Variants in RIF1 observed in about 807,000 individuals in gnomAD.
The protein encoded by RIF1 is replication timing regulatory factor 1.
In RIF1, 45 loss-of-function variants were observed where a neutral mutation model predicts 247.1. The ratio of observed to expected loss-of-function variants is 0.18; its 90% CI spans 0.14 to 0.23. The LOEUF (loss-of-function observed/expected upper bound fraction) is 0.23, where lower values mean the gene tolerates loss of function less well. RIF1 is among the 10% of genes least tolerant of loss of function. RIF1 has a pLI of 1.00. For missense variants in RIF1, 2,967 were observed against 2,862.5 expected (o/e 1.04, Z -0.83); for synonymous variants, 1,087 against 978.8 (o/e 1.11, Z -2.06).
intron 34 of RIF1, among the ~76,000 whole-genome samples, chr2:151,470,393 G>T (rs1697608202): frequency 6.6e-6 from 1 of 152,156 alleles, no homozygotes; most frequent in Non-Finnish European, 1.5e-5. Flanking sequence ...ACTACAGGTT[G>T]AGTATTCCTT....
Position 151,462,434 on chromosome 2 carries a change from A to G in RIF1, c.3331A>G (p.Lys1111Glu). 6.4e-7 allele frequency: 1 copy of G among 1,561,814 alleles called. No individual in the cohort carries two copies. The highest frequency in any genetic ancestry group is 8.7e-7 in the Non-Finnish European group (1 of 1,152,704). The part of the protein sequence containing the change: ...EPMEIPTLTR[K>E]PKEDSKMMIT... ...CAGGGAAATTCCTACTTTAACCAGA[A>G]AACCAAAGGAGGATTCTAAGATGAT... The change falls in exon 29 of 36, where the codon AAA (lysine) becomes GAA (glutamate). Residue 1111 changes from lysine (K) to glutamate (E), a missense_variant. Physicochemically the swap from Lys to Glu is moderately conservative, Grantham distance 56. This residue lies in a region of RIF1 where 2,028 missense variants were observed against 1,825.6 expected (regional missense o/e 1.11). Transcript: ENST00000444746.
Position 151,463,707 on chromosome 2 carries a change from A to G in RIF1, c.4187A>G (p.Asp1396Gly), listed in dbSNP as rs780131852. The change falls in exon 30 of 36, where the codon GAT (aspartate) becomes GGT (glycine). Residue 1396 changes from aspartate to glycine, a missense_variant. By Grantham distance (94) the Asp-to-Gly change is moderately conservative. Transcript: ENST00000444746. ...ACACCCCCAGTAGTAATATCAGCAG[A>G]TCAAATGGTAAATGAGGATAGTCAG... Reference protein sequence around the residue: ...ENTPPVVISADQMVNEDSQVQ... With the variant: ...ENTPPVVISAGQMVNEDSQVQ... 1.2e-5 allele frequency: 19 copies of G among 1,613,910 alleles called. No homozygotes were observed. The highest frequency in any genetic ancestry group is 4.0e-5 in the African/African-American group (3 of 74,936).
intron 13 of RIF1, among the ~76,000 whole-genome samples, 179 bp from the exon 14 acceptor site, chr2:151,438,505 A>G (rs531986842): frequency 6.6e-6 from 1 of 152,334 alleles, no homozygotes; most frequent in East Asian, 1.9e-4. Context: ...GTTTCTACAA[A>G]CAAAAACGAA....
downstream of RIF1, among the ~76,000 whole-genome samples, chr2:151,509,614 T>G (rs1034777379): frequency 1.4e-5 from 2 of 147,724 alleles, no homozygotes; most frequent in Admixed American, 1.4e-4. Context: ...GGAAGAGAGG[T>G]TTTTTTTTTG....
At chr2:151,425,286 G>A (rs1016324712) in intron 8 of RIF1, among the ~76,000 whole-genome samples, 1 of 151,976 alleles carries the variant, frequency 6.6e-6, no homozygotes, top group Admixed American at 6.6e-5. Flanking sequence ...ATATGTTTTG[G>A]ATATGCATCC....
chr2:151,502,544 G>A (rs1439013407), intron 11 of RIF1, among the ~76,000 whole-genome samples: 1 of 152,048 alleles, frequency 6.6e-6, no homozygotes, highest in African/African-American at 2.4e-5. Flanking sequence ...TGTTATTAAA[G>A]GAGGAATGGA....
At chr2:151,518,555 G>T in the RIF1 span, 2 of 663,866 alleles carry the variant, frequency 3.0e-6, no homozygotes, top group Admixed American at 2.5e-5. Context: ...CTAAACAGGA[G>T]GTTAAGAAAA....
At chr2:151,506,240 C>T in exon 13 of RIF1, 1 of 1,613,206 alleles carries the variant, frequency 6.2e-7, no homozygotes, top group Non-Finnish European at 8.5e-7. Flanking sequence ...CCTGGTGAGA[C>T]ATCCTCTTTA....
chr2:151,452,900 G>A (rs1411387533), intron 21 of RIF1, among the ~76,000 whole-genome samples: 2 of 152,122 alleles, frequency 1.3e-5, no homozygotes, highest in African/African-American at 4.8e-5. Flanking sequence ...TTTCCACTCC[G>A]TGTCCATGCA....
At position 151,473,991 on chromosome 2, in the gene RIF1, C is replaced by A. The variant is rs774120551; in HGVS notation, c.7123C>A (p.Pro2375Thr). Residue 2375 changes from proline to threonine, a missense_variant, in exon 35 of 36, where the codon CCA (proline) becomes ACA (threonine). This residue lies in a region of RIF1 where 151 missense variants were observed against 163.4 expected (regional missense o/e 0.92). Coordinates refer to ENST00000444746, the MANE Select transcript of RIF1 (RefSeq NM_018151.5). ...QVKTRGLEEI[P>T]VFDISEKTVN... Reference sequence around the variant, plus strand: ...GAAGACTCGTGGACTAGAAGAGATTCCAGTTTTTGATATTTCTGAAAAAAC... The same window carrying A: ...GAAGACTCGTGGACTAGAAGAGATTACAGTTTTTGATATTTCTGAAAAAAC... 1 of 1,595,034 alleles carries A rather than the reference C, an allele frequency of 6.3e-7. No homozygotes were observed. Among genetic ancestry groups the A allele is most frequent in the Non-Finnish European group, 8.6e-7 (1 of 1,165,538 alleles).
At chr2:151,483,950 A>C (rs757942320), downstream of RIF1, among the ~76,000 whole-genome samples, 3 of 152,230 alleles carry the variant, frequency 2.0e-5, no homozygotes, top group Non-Finnish European at 4.4e-5. Context: ...ACTGGTCCCT[A>C]GTGCCAAAAA....
At chr2:151,442,380 CTT>C (rs34666273) in intron 16 of RIF1, among the ~76,000 whole-genome samples, 8 of 146,314 alleles carry the variant, frequency 5.5e-5, no homozygotes, top group African/African-American at 1.8e-4. Flanking sequence ...GCATATTTCC[CTT>C]TTTTTTAAAA....
intron 10 of RIF1, chr2:151,497,798 A>AG: frequency 6.5e-7 from 1 of 1,539,992 alleles, no homozygotes; most frequent in Non-Finnish European, 8.7e-7. Flanking sequence ...TGAGGAAAAA[A>AG]CACAGTCATC....
At chr2:151,525,335 G>T in the RIF1 span, 1 of 1,192,240 alleles carries the variant, frequency 8.4e-7, no homozygotes, top group Non-Finnish European at 1.2e-6. Context: ...TGGTTTACTT[G>T]AAGAACTGTG....
the RIF1 span, chr2:151,514,844 T>G: frequency 6.3e-7 from 1 of 1,583,240 alleles, no homozygotes; most frequent in Non-Finnish European, 8.6e-7. Flanking sequence ...GTTGCATATT[T>G]GACATGTAAC....
chr2:151,457,847 C>T lies in RIF1; in HGVS notation c.2739C>T (p.Ser913=). ...ATAGTGAACTTCTTGAACAACTCTC[C>T]CCACTATTATGCATAATATTTCTGC... ...TYDSELLEQL[S]PLLCIIFLHK... Residue 913 remains serine (S), a synonymous_variant, in exon 24 of 36, where the codon TCC becomes TCT. Coordinates refer to ENST00000444746, the MANE Select transcript of RIF1 (RefSeq NM_018151.5). 7 of 1,613,614 alleles carry T rather than the reference C, an allele frequency of 4.3e-6. No individual in the cohort carries two copies. The highest frequency in any genetic ancestry group is 5.1e-6 in the Non-Finnish European group (6 of 1,179,652).
chr2:151,496,813 G>T, intron 10 of RIF1: 1 of 1,185,946 alleles, frequency 8.4e-7, no homozygotes, highest in Non-Finnish European at 1.2e-6. Context: ...AGGAAAAAAG[G>T]ATAAATTTGC....
Position 151,480,816 on chromosome 2 carries a change from A to G in RIF1, c.*5745A>G, listed in dbSNP as rs1435238840. 1.3e-5 allele frequency: 2 copies of G among 152,198 alleles called. No individual in the cohort carries two copies. Among genetic ancestry groups the G allele is most frequent in the African/African-American group, 4.8e-5 (2 of 41,456 alleles). The allele number at this position is 152,198 out of a possible 1,614,324, so 9.4% of individuals were successfully genotyped here. On this transcript the variant is annotated 3_prime_UTR_variant, in exon 36 of 36. Coordinates refer to ENST00000444746, the MANE Select transcript of RIF1 (RefSeq NM_018151.5). ...TTCTAAAAGAAAACAATTAAGAGCA[A>G]AATTGGTTTTGAGTATAGAAACTGA... is the stretch of plus-strand genomic sequence containing the variant.
chr2:151,468,243 C>G, intron 31 of RIF1, 97 bp downstream of exon 31: 3 of 1,187,080 alleles, frequency 2.5e-6, no homozygotes, highest in African/African-American at 1.5e-5. Context: ...TGAAAAACTT[C>G]TTCCTTGGTT....
Sources: allele counts gnomAD v4.1 joint callset (sites outside exome capture counted in the v4.1 genomes callset), GRCh38; gene constraint gnomAD v4.1.1; regional missense constraint gnomAD v4.1.1; transcripts MANE v1.5; gene names NCBI Gene and HGNC (gene_info 2026-07-23, HGNC 2026-07-21).